ANXA4: variants seen among roughly 807,000 people sequenced by gnomAD.
ANXA4 encodes the protein annexin A4, also known as 35-beta calcimedin.
In ANXA4, 39 loss-of-function variants were observed where a neutral mutation model predicts 49.8. The observed-to-expected ratio is 0.78, with a 90% confidence interval of 0.61 to 1.02. The LOEUF is 1.02. ANXA4 is among the 50% of genes least tolerant of loss of function. The pLI is 0.00. For missense variants in ANXA4, 360 were observed against 410.1 expected (o/e 0.88, Z 1.05); for synonymous variants, 134 against 152.5 (o/e 0.88, Z 0.89).
intron 1 of ANXA4, among the ~76,000 whole-genome samples, chr2:69,651,836 G>C (rs1378695405): frequency 5.1e-5 from 5 of 97,186 alleles, no homozygotes; most frequent in Non-Finnish European, 9.6e-5. Context: ...GGGGCGGGGA[G>C]ACAGAGTCTC....
chr2:69,699,026 A>G (rs1015673909), intron 2 of ANXA4, among the ~76,000 whole-genome samples: 8 of 152,218 alleles, frequency 5.3e-5, no homozygotes, highest in South Asian at 2.1e-4. Context: ...TAAAAAGCTG[A>G]TGGATTGAAG....
At chr2:69,696,774 T>C (rs7589674) in intron 2 of ANXA4, among the ~76,000 whole-genome samples, 2,357 of 152,326 alleles carry the variant, frequency 0.015, 65 homozygotes, top group African/African-American at 0.055. Flanking sequence ...ATCAGAGTTC[T>C]TGGGTGACTA....
chr2:69,652,235 A>T (rs1438185226), intron 1 of ANXA4, among the ~76,000 whole-genome samples: 4 of 149,902 alleles, frequency 2.7e-5, no homozygotes, highest in Admixed American at 2.0e-4. Context: ...CGAACTCCTC[A>T]CCTCAAATGA....
intron 3 of ANXA4, among the ~76,000 whole-genome samples, chr2:69,729,019 T>C (rs1171709559): frequency 1.3e-5 from 2 of 152,192 alleles, no homozygotes; most frequent in Non-Finnish European, 2.9e-5. Context: ...TTCTCAATAA[T>C]ATTTTTCTTT....
intron 1 of ANXA4, among the ~76,000 whole-genome samples, chr2:69,754,346 A>G (rs759750914): frequency 4.6e-5 from 7 of 152,194 alleles, no homozygotes; most frequent in African/African-American, 7.2e-5. Flanking sequence ...TGAGTCTAGA[A>G]TTATTACTAT....
intron 3 of ANXA4, among the ~76,000 whole-genome samples, chr2:69,804,038 T>C (rs954306516): frequency 4.0e-5 from 6 of 149,708 alleles, no homozygotes; most frequent in Non-Finnish European, 5.9e-5. Context: ...CTCAGGAGGC[T>C]GAGGCAGGAG....
chr2:69,731,725 G>GGACA (rs1395838580), intron 3 of ANXA4, among the ~76,000 whole-genome samples: 1 of 152,124 alleles, frequency 6.6e-6, no homozygotes, highest in Admixed American at 6.5e-5. Flanking sequence ...GGGTGGGGTA[G>GGACA]GACACTTCCT....
chr2:69,816,504 A>G (rs1674000577), intron 9 of ANXA4: 1 of 258,602 alleles, frequency 3.9e-6, no homozygotes, highest in Non-Finnish European at 7.6e-6. Context: ...ATTCTAATGT[A>G]GTTACATATG....
chr2:69,654,178 T>A (rs1676352991), intron 2 of ANXA4, among the ~76,000 whole-genome samples: 1 of 152,230 alleles, frequency 6.6e-6, no homozygotes, highest in Non-Finnish European at 1.5e-5. Context: ...CTTAAGGAGA[T>A]TTTGGGCTGA....
At chr2:69,782,120 T>C (rs1672224919) in intron 2 of ANXA4, among the ~76,000 whole-genome samples, 1 of 152,194 alleles carries the variant, frequency 6.6e-6, no homozygotes, top group African/African-American at 2.4e-5. Context: ...AGGTGGAAGC[T>C]GAGCCTCTTA....
rs77983110 is a variant in ANXA4 at position 69,717,958 on chromosome 2, G to C, written n.767-2816G>C. Among the ~76,000 whole-genome samples, 875 of 152,280 alleles carry C rather than the reference G, an allele frequency of 5.7e-3. 11 individuals carry two copies. The highest frequency in any genetic ancestry group is 0.02 in the African/African-American group (832 of 41,558). ...TGGAATTAAAAGGAATAGTTTTAATGGGGAAACCCTGGCTAGGGAGATGCT... is the reference window on the plus strand; with the variant it reads ...TGGAATTAAAAGGAATAGTTTTAATCGGGAAACCCTGGCTAGGGAGATGCT... On this transcript the variant is annotated intron_variant and non_coding_transcript_variant, in intron 2 of 3. Coordinates refer to the ANXA4 transcript ENST00000418066.
chr2:69,787,004 G>A (rs1387206811), intron 2 of ANXA4, among the ~76,000 whole-genome samples: 1 of 152,060 alleles, frequency 6.6e-6, no homozygotes, highest in African/African-American at 2.4e-5. Flanking sequence ...GGATTACTGG[G>A]GTGAGCCACC....
intron 2 of ANXA4, among the ~76,000 whole-genome samples, chr2:69,656,421 A>ATG (rs1216090482): frequency 1.6e-5 from 2 of 128,462 alleles, no homozygotes; most frequent in African/African-American, 5.9e-5. Context: ...GTATATATAT[A>ATG]TGTGTGTGTA....
chr2:69,800,255 G>A (rs1285639645), intron 3 of ANXA4, among the ~76,000 whole-genome samples: 1 of 151,852 alleles, frequency 6.6e-6, no homozygotes, highest in Non-Finnish European at 1.5e-5. Context: ...AAAAGAGAAA[G>A]GCATAGGACC....
chr2:69,678,724 G>A (rs1677494905), intron 2 of ANXA4, among the ~76,000 whole-genome samples: 1 of 152,032 alleles, frequency 6.6e-6, no homozygotes, highest in African/African-American at 2.4e-5. Context: ...ACTTTCAACA[G>A]AAATATATTA....
chr2:69,663,924 C>T (rs140410912), intron 2 of ANXA4, among the ~76,000 whole-genome samples: 247 of 152,200 alleles, frequency 1.6e-3, no homozygotes, highest in African/African-American at 5.7e-3. Context: ...ATTTTGAGAA[C>T]TAAAGAGCAT....
chr2:69,733,897 T>C (rs1270810974), intron 3 of ANXA4, among the ~76,000 whole-genome samples: 2 of 152,196 alleles, frequency 1.3e-5, no homozygotes, highest in Admixed American at 1.3e-4. Flanking sequence ...TGCTTACTCA[T>C]CCTTGAAGGT....
intron 12 of ANXA4, among the ~76,000 whole-genome samples, chr2:69,823,628 C>T (rs1674339970): frequency 1.3e-5 from 2 of 151,966 alleles, no homozygotes; most frequent in Admixed American, 6.6e-5. Context: ...AAGTGGATCA[C>T]GTTATACTGA....
intron 2 of ANXA4, among the ~76,000 whole-genome samples, chr2:69,716,634 C>T (rs886968143): frequency 1.3e-5 from 2 of 151,938 alleles, no homozygotes; most frequent in African/African-American, 4.8e-5. Flanking sequence ...GAAGATCACT[C>T]GGGAGAACGG....
Sources: allele counts gnomAD v4.1 joint callset (sites outside exome capture counted in the v4.1 genomes callset), GRCh38; gene constraint gnomAD v4.1.1; transcripts MANE v1.5; gene names NCBI Gene and HGNC (gene_info 2026-07-23, HGNC 2026-07-21).